DLGAP1: variants seen among roughly 807,000 people sequenced by gnomAD.
DLGAP1 encodes DLG associated protein 1, also known as disks large-associated protein 1.
DLGAP1 carries 11 observed loss-of-function variants against 90.8 expected under a neutral mutation model. That is an observed-to-expected ratio of 0.12 (90% CI 0.08 to 0.20). DLGAP1 has a LOEUF of 0.20. Among genes scored for constraint, DLGAP1 ranks in the 10% least tolerant of loss-of-function variants. The pLI, the probability that DLGAP1 is intolerant of heterozygous loss-of-function variation, is 1.00. For missense variants in DLGAP1, 1,050 were observed against 1,333.8 expected, an observed-to-expected ratio of 0.79 and a Z score of 3.31; for synonymous variants, 558 against 540.7, an observed-to-expected ratio of 1.03 and a Z score of -0.44.
chr18:4,361,576 C>T (rs1181629202), intron 1 of DLGAP1, among the ~76,000 whole-genome samples: 2 of 152,162 alleles, frequency 1.3e-5, no homozygotes, highest in Non-Finnish European at 2.9e-5. Context: ...AGTGTACCCT[C>T]ACCTAATGCT....
At chr18:4,424,832 C>T (rs1598400386) in intron 1 of DLGAP1, among the ~76,000 whole-genome samples, 1 of 151,962 alleles carries the variant, frequency 6.6e-6, no homozygotes, top group African/African-American at 2.4e-5. Flanking sequence ...ACTAAATTTG[C>T]ACCTTATTCT....
At chr18:3,908,739 C>G (rs529405817) in intron 3 of DLGAP1, among the ~76,000 whole-genome samples, 2 of 152,264 alleles carry the variant, frequency 1.3e-5, no homozygotes, top group African/African-American at 4.8e-5. Flanking sequence ...AGGTAACATC[C>G]AATTTTGCAC....
At chr18:4,381,671 G>T (rs889005165) in intron 1 of DLGAP1, among the ~76,000 whole-genome samples, 1 of 151,982 alleles carries the variant, frequency 6.6e-6, no homozygotes, top group African/African-American at 2.4e-5. Flanking sequence ...TAACATGTTT[G>T]TTCAAATCCT....
rs1369281203 is a variant in DLGAP1 at position 4,266,038 on chromosome 18, A to G, written c.-266-114751T>C. On this transcript the variant is annotated intron_variant, in intron 1 of 12. Coordinates refer to ENST00000315677, the MANE Select transcript of DLGAP1 (RefSeq NM_004746.4). Reference sequence around the variant, plus strand: ...TCAGTATGAGGAACTCTCTTAAGATATTTTGCTCTTATAGTGTGTTTATTA... The same window carrying G: ...TCAGTATGAGGAACTCTCTTAAGATGTTTTGCTCTTATAGTGTGTTTATTA... Among the ~76,000 whole-genome samples the G allele has an allele frequency of 3.3e-5, 5 of 152,102 alleles. No homozygotes were observed. The East Asian group carries it at 9.7e-4, about 30-fold the overall frequency.
At chr18:3,886,654 T>G (rs757608334) in intron 3 of DLGAP1, among the ~76,000 whole-genome samples, 3 of 152,168 alleles carry the variant, frequency 2.0e-5, no homozygotes, top group Non-Finnish European at 2.9e-5. Context: ...GTCAACTTTT[T>G]GGCATCCCTC....
At chr18:3,842,221 G>A (rs937741029) in intron 4 of DLGAP1, among the ~76,000 whole-genome samples, 27 of 152,060 alleles carry the variant, frequency 1.8e-4, no homozygotes, top group Non-Finnish European at 2.9e-5. Context: ...CTAAGAAAGA[G>A]AAAAGCAGAC....
intron 2 of DLGAP1, among the ~76,000 whole-genome samples, chr18:4,105,537 G>A (rs1005116222): frequency 2.6e-5 from 4 of 151,998 alleles, no homozygotes; most frequent in Admixed American, 1.3e-4. Context: ...CTCACTTATC[G>A]TTGAGTTTGT....
At chr18:3,794,948 T>C (rs896809529) in intron 5 of DLGAP1, among the ~76,000 whole-genome samples, 16 of 152,242 alleles carry the variant, frequency 1.1e-4, no homozygotes, top group Admixed American at 5.2e-4. Flanking sequence ...TAGGCATTCA[T>C]TCCTGTGTGA....
intron 2 of DLGAP1, among the ~76,000 whole-genome samples, chr18:4,150,905 T>C (rs4798186): frequency 0.017 from 2,599 of 152,302 alleles, 68 homozygotes; most frequent in African/African-American, 0.058. Flanking sequence ...AAAAATGGCA[T>C]GTGCCCAATA....
chr18:3,949,563 A>C (rs540189771), intron 3 of DLGAP1, among the ~76,000 whole-genome samples: 1 of 152,080 alleles, frequency 6.6e-6, no homozygotes, highest in African/African-American at 2.4e-5. Flanking sequence ...TGCCTTCCTC[A>C]CAGGACCCTG....
intron 7 of DLGAP1, among the ~76,000 whole-genome samples, chr18:3,672,812 T>C (rs1036722144): frequency 2.6e-5 from 4 of 152,164 alleles, no homozygotes; most frequent in Non-Finnish European, 4.4e-5. Flanking sequence ...AGAACCAAGC[T>C]AGTCTGCCTC....
chr18:4,190,756 T>C (rs773531351), intron 1 of DLGAP1, among the ~76,000 whole-genome samples: 12 of 152,132 alleles, frequency 7.9e-5, no homozygotes, highest in Non-Finnish European at 1.8e-4. Flanking sequence ...CAATGAGTTC[T>C]TGTGTCTAGG....
At chr18:4,170,632 A>C (rs913127306) in intron 1 of DLGAP1, among the ~76,000 whole-genome samples, 1 of 152,188 alleles carries the variant, frequency 6.6e-6, no homozygotes, top group African/African-American at 2.4e-5. Flanking sequence ...GGGACACTAC[A>C]TAAGAGTTAC....
intron 2 of DLGAP1, among the ~76,000 whole-genome samples, chr18:4,098,542 G>A (rs1452849448): frequency 6.6e-6 from 1 of 152,140 alleles, no homozygotes; most frequent in Non-Finnish European, 1.5e-5. Context: ...AAGCAAAGCT[G>A]ACTTAAAGAA....
chr18:3,708,462 T>C (rs1411128888), intron 7 of DLGAP1: 1 of 456,678 alleles, frequency 2.2e-6, no homozygotes, highest in Admixed American at 2.3e-5. Flanking sequence ...CATGTCTTCC[T>C]ACCCTAGCGC....
chr18:4,405,167 T>C (rs1270249471), intron 1 of DLGAP1, among the ~76,000 whole-genome samples: 1 of 152,206 alleles, frequency 6.6e-6, no homozygotes, highest in Non-Finnish European at 1.5e-5. Flanking sequence ...AATTATAAAC[T>C]ATAACTCAAA....
intron 3 of DLGAP1, among the ~76,000 whole-genome samples, chr18:3,937,567 A>G (rs550328386): frequency 1.3e-5 from 2 of 152,322 alleles, no homozygotes; most frequent in African/African-American, 4.8e-5. Flanking sequence ...GCCAAACCAT[A>G]TCAAACCAGC....
Position 4,050,931 on chromosome 18 carries a change from C to T in DLGAP1, c.-158-45730G>A, listed in dbSNP as rs567443440. ...AAGTTCTACTGTGGCATTTTCCTCT[C>T]CATCACCCTTCATGGGGAAGCCTCA... On this transcript the variant is annotated intron_variant, in intron 2 of 12. Transcript: ENST00000315677. Among the ~76,000 whole-genome samples, 3 of 152,310 alleles carry T rather than the reference C, an allele frequency of 2.0e-5. No homozygotes were observed. The East Asian group carries it at 5.8e-4, about 29-fold the overall frequency.
At chr18:3,740,999 TCA>T (rs2062901308) in intron 6 of DLGAP1, among the ~76,000 whole-genome samples, 1 of 21,554 alleles carries the variant, frequency 4.6e-5, no homozygotes, top group Non-Finnish European at 8.6e-5. Context: ...CACCATCACC[TCA>T]CCACCACCAC....
Sources: gnomAD v4.1 joint callset for allele counts (sites outside exome capture counted in the v4.1 genomes callset) on GRCh38, gnomAD v4.1.1 for gene constraint, MANE v1.5 for transcripts, NCBI Gene and HGNC (gene_info 2026-07-23, HGNC 2026-07-21) for gene names.